ETV6: variants seen among roughly 807,000 people sequenced by gnomAD.
ETV6 encodes the protein ETS variant transcription factor 6.
In ETV6, 16 loss-of-function variants were observed where a neutral mutation model predicts 51.1. The observed-to-expected ratio is 0.31, with a 90% CI of 0.21 to 0.48. ETV6 has a LOEUF of 0.48. Ranked by LOEUF, ETV6 falls within the 20% of genes least tolerant of loss-of-function variation. The probability of loss-of-function intolerance (pLI) is 0.99; values close to 1 mark genes in which losing one functional copy is unlikely to be tolerated. For missense variants in ETV6, 458 were observed against 594.8 expected, an observed-to-expected ratio of 0.77 and a Z score of 2.39; for synonymous variants, 240 against 224.1, an observed-to-expected ratio of 1.07 and a Z score of -0.64.
At position 11,810,155 on chromosome 12, in the gene ETV6, G is replaced by T. The variant is rs552389734; in HGVS notation, c.164-28985G>T. Among the ~76,000 whole-genome samples, 14 of 152,158 alleles carry T rather than the reference G, an allele frequency of 9.2e-5. No individual in the cohort carries two copies. In the South Asian group the frequency reaches 2.9e-3, roughly 32 times the overall value. ...TTTTACTTGAGACCTCTGTGAGCTG[G>T]TCCTGAGTATGAGTAGTGAATTCCA... On this transcript the variant is annotated intron_variant, in intron 2 of 7. Coordinates refer to ENST00000396373, the MANE Select transcript of ETV6 (RefSeq NM_001987.5).
At chr12:11,655,211 C>A (rs1311194875) in intron 1 of ETV6, among the ~76,000 whole-genome samples, 1 of 152,104 alleles carries the variant, frequency 6.6e-6, no homozygotes, top group African/African-American at 2.4e-5. Flanking sequence ...TAAGGTGTGC[C>A]ATATAGAAAT....
Position 11,869,999 on chromosome 12 carries a change from C to T in ETV6, c.1009+30C>T, listed in dbSNP as rs778098158. 57 of 1,568,728 alleles carry T rather than the reference C, an allele frequency of 3.6e-5. No homozygotes were observed. The highest frequency in any genetic ancestry group is 4.6e-5 in the Non-Finnish European group (53 of 1,163,574). ...GTGAGTTCCCCTCTCGCCGCTCCAG[C>T]ATCATGGGGACCTGACAAAGTCCCA... On this transcript the variant is annotated intron_variant, in intron 5 of 7. Transcript: ENST00000396373. The surrounding 1 kb of genome is among the most constrained non-coding windows in gnomAD (Gnocchi z 5.0).
intron 2 of ETV6, among the ~76,000 whole-genome samples, chr12:11,800,007 A>G (rs964888215): frequency 2.0e-5 from 3 of 152,146 alleles, no homozygotes; most frequent in Non-Finnish European, 4.4e-5. Flanking sequence ...GCCTTCACTC[A>G]GTGCTTTTAT....
In ETV6 at chr12:11,752,495, T is replaced by A; in HGVS notation, c.79T>A (p.Tyr27Asn). The A allele has an allele frequency of 6.2e-7, 1 of 1,614,056 alleles. No individual in the cohort carries two copies. Among genetic ancestry groups the A allele is most frequent in the Non-Finnish European group, 8.5e-7 (1 of 1,179,974 alleles). Residue 27 changes from tyrosine to asparagine, a missense_variant, in exon 2 of 8, where the codon TAC (tyrosine) becomes AAC (asparagine). This residue lies in a region of ETV6 where 84 missense variants were observed against 75.9 expected (regional missense o/e 1.11). Transcript: ENST00000396373. Reference protein sequence around the residue: ...YTPPESPVPSYASSTPLHVPV... With the variant: ...YTPPESPVPSNASSTPLHVPV... ...ACCTCCAGAGAGCCCAGTGCCGAGT[T>A]ACGCTTCCTCGACGCCACTTCATGT...
At chr12:11,841,201 A>G (rs536135941) in intron 3 of ETV6, among the ~76,000 whole-genome samples, 79 of 152,336 alleles carry the variant, frequency 5.2e-4, no homozygotes, top group African/African-American at 1.9e-3. Context: ...GCTCAGAGCT[A>G]TGAACAAAGA....
intron 1 of ETV6, among the ~76,000 whole-genome samples, chr12:11,654,564 G>T (rs1030132544): frequency 7.9e-5 from 12 of 151,798 alleles, no homozygotes; most frequent in African/African-American, 2.9e-4. Context: ...TGGTCTGAGG[G>T]CACGGGGGTA....
chr12:11,787,041 G>C (rs1945496900), intron 2 of ETV6, among the ~76,000 whole-genome samples: 2 of 152,128 alleles, frequency 1.3e-5, no homozygotes, highest in Admixed American at 6.5e-5. Context: ...ACCCCAAAGA[G>C]TCTGAAAGAG....
At chr12:11,868,649 A>G (rs1946827350) in intron 4 of ETV6, among the ~76,000 whole-genome samples, 1 of 151,664 alleles carries the variant, frequency 6.6e-6, no homozygotes, top group South Asian at 2.1e-4. Context: ...TCTAAGATAT[A>G]GTTATTACTA....
chr12:11,663,729 TTGCC>T (rs771648153), intron 1 of ETV6, among the ~76,000 whole-genome samples: 63 of 150,268 alleles, frequency 4.2e-4, no homozygotes, highest in Non-Finnish European at 6.6e-4. Context: ...TTGAGATAGT[TTGCC>T]TGTGGTGTTT....
Position 11,839,265 on chromosome 12 carries a change from C to T in ETV6, c.289C>T (p.Leu97=), listed in dbSNP as rs770229132. 5 of 1,614,192 alleles carry T rather than the reference C, an allele frequency of 3.1e-6. No homozygotes were observed. Among genetic ancestry groups the T allele is most frequent in the East Asian group, 2.2e-5 (1 of 44,884 alleles). ...FEMNGKALLL[L]TKEDFRYRSP... is the part of the protein sequence containing the mutation. ...AATGAATGGCAAAGCTCTCCTGCTG[C>T]TGACCAAAGAGGACTTTCGCTATCG... Residue 97 remains leucine, a synonymous_variant, in exon 3 of 8, where the codon CTG becomes TTG. Coordinates refer to ENST00000396373, the MANE Select transcript of ETV6 (RefSeq NM_001987.5).
At chr12:11,821,824 G>T (rs1438285466) in intron 2 of ETV6, among the ~76,000 whole-genome samples, 1 of 152,070 alleles carries the variant, frequency 6.6e-6, no homozygotes, top group Non-Finnish European at 1.5e-5. Flanking sequence ...CTGTTGTCTG[G>T]GCAACAGAGG....
rs566065188 is a variant in ETV6 at position 11,791,872 on chromosome 12, G to T, written c.163+39293G>T. ...CACCTGGTGGTCGTTTAAAAAAAAA[G>T]ATTTCATTTCCCACCTTGGGCCTAC... On this transcript the variant is annotated intron_variant, in intron 2 of 7. Transcript: ENST00000396373. Among the ~76,000 whole-genome samples, 24 of 152,110 alleles carry T rather than the reference G, an allele frequency of 1.6e-4. No individual in the cohort carries two copies. The South Asian group carries it at 4.8e-3, about 30-fold the overall frequency.
intron 2 of ETV6, among the ~76,000 whole-genome samples, chr12:11,765,300 C>T (rs1945146920): frequency 6.6e-6 from 1 of 152,170 alleles, no homozygotes; most frequent in Non-Finnish European, 1.5e-5. Context: ...ATCCCCCTAC[C>T]ATTCCAATGC....
At chr12:11,800,639 C>T (rs1237906493) in intron 2 of ETV6, among the ~76,000 whole-genome samples, 1 of 152,142 alleles carries the variant, frequency 6.6e-6, no homozygotes, top group East Asian at 1.9e-4. Context: ...TATATCTTTT[C>T]ATTACTGGCT....
intron 1 of ETV6, among the ~76,000 whole-genome samples, chr12:11,726,704 A>G (rs1865495379): frequency 6.6e-6 from 1 of 152,180 alleles, no homozygotes; most frequent in South Asian, 2.1e-4. Flanking sequence ...CAGGAGTTCA[A>G]GGCTGCAGTG....
intron 1 of ETV6, among the ~76,000 whole-genome samples, chr12:11,690,886 C>CTAAATAAATAAA (rs58188628): frequency 0.29 from 41,284 of 140,346 alleles, 6,791 homozygotes; most frequent in East Asian, 0.49. Flanking sequence ...GACTCTGTCT[C>CTAAATAAATAAA]TAAATAAATA....
intron 4 of ETV6, among the ~76,000 whole-genome samples, chr12:11,866,265 T>G (rs554420464): frequency 6.6e-6 from 1 of 152,332 alleles, no homozygotes; most frequent in Admixed American, 6.5e-5. Flanking sequence ...ACCATGATTT[T>G]CTTTTAGGGC....
chr12:11,886,166 G>T, intron 7 of ETV6, 140 bp downstream of exon 7: 1 of 663,242 alleles, frequency 1.5e-6, no homozygotes, highest in East Asian at 2.6e-5. Flanking sequence ...CTGGATACCA[G>T]GTACTGGTTT....
intron 2 of ETV6, among the ~76,000 whole-genome samples, chr12:11,771,967 A>T (rs1454457908): frequency 6.6e-6 from 1 of 152,174 alleles, no homozygotes; most frequent in Non-Finnish European, 1.5e-5. Flanking sequence ...TCAAATTCCC[A>T]CCAGTGCTGA....
Sources: gnomAD v4.1 joint callset for allele counts (sites outside exome capture counted in the v4.1 genomes callset) on GRCh38, gnomAD v4.1.1 for gene constraint, gnomAD v4.1.1 regional missense constraint, Gnocchi (gnomAD v3.1) non-coding constraint, MANE v1.5 for transcripts, NCBI Gene and HGNC (gene_info 2026-07-23, HGNC 2026-07-21) for gene names.